CNTN1: variants seen among roughly 807,000 people sequenced by gnomAD.
The protein encoded by CNTN1 is contactin 1.
CNTN1 carries 38 observed loss-of-function variants against 126.4 expected under a neutral mutation model. That is an observed-to-expected ratio of 0.30 (90% CI 0.23 to 0.39). CNTN1 has a LOEUF of 0.39. CNTN1 is among the 10% of genes least tolerant of loss of function. The pLI is 1.00. For synonymous variants in CNTN1, 413 were observed against 422.6 expected (o/e 0.98, Z 0.28); for missense variants, 1,009 against 1,248.4 (o/e 0.81, Z 2.89).
intron 1 of CNTN1, among the ~76,000 whole-genome samples, chr12:40,902,553 A>ATT (rs754443516): frequency 6.6e-6 from 1 of 152,092 alleles, no homozygotes; most frequent in Non-Finnish European, 1.5e-5. Context: ...ATAAAGGCAC[A>ATT]TTTTTTTGTA....
chr12:40,898,877 C>G (rs1944506091), intron 1 of CNTN1, among the ~76,000 whole-genome samples: 1 of 152,198 alleles, frequency 6.6e-6, no homozygotes, highest in African/African-American at 2.4e-5. Context: ...TATTCAGATA[C>G]TGTGCAGCAT....
intron 15 of CNTN1, among the ~76,000 whole-genome samples, chr12:40,975,240 A>T (rs1592350171): frequency 6.9e-6 from 1 of 144,084 alleles, no homozygotes; most frequent in Admixed American, 7.0e-5. Flanking sequence ...GTGGACTCTT[A>T]AATGTATGTG....
At chr12:40,976,760 C>T (rs910034677) in intron 15 of CNTN1, among the ~76,000 whole-genome samples, 1 of 152,040 alleles carries the variant, frequency 6.6e-6, no homozygotes, top group African/African-American at 2.4e-5. Flanking sequence ...GCTTGAAAAC[C>T]TTCCTGCTGA....
At chr12:40,881,046 G>T (rs958750201) in intron 1 of CNTN1, among the ~76,000 whole-genome samples, 1 of 151,960 alleles carries the variant, frequency 6.6e-6, no homozygotes, top group African/African-American at 2.4e-5. Context: ...CCTGTGAATA[G>T]AAGAATTCAG....
At chr12:40,870,397 A>G (rs986178902) in intron 1 of CNTN1, among the ~76,000 whole-genome samples, 1 of 152,144 alleles carries the variant, frequency 6.6e-6, no homozygotes, top group Admixed American at 6.6e-5. Flanking sequence ...TCAATTCTCA[A>G]GGCAAAAATA....
At chr12:40,864,313 C>T (rs759028880) in intron 1 of CNTN1, among the ~76,000 whole-genome samples, 3 of 151,956 alleles carry the variant, frequency 2.0e-5, no homozygotes, top group African/African-American at 2.4e-5. Context: ...AACCACCATG[C>T]CCAGACCTAT....
At chr12:41,042,465 G>GT (rs1286172810) in intron 23 of CNTN1, among the ~76,000 whole-genome samples, 1 of 151,912 alleles carries the variant, frequency 6.6e-6, no homozygotes, top group African/African-American at 2.4e-5. Flanking sequence ...CAATTCCTGG[G>GT]TATCCTTGTT....
intron 17 of CNTN1, among the ~76,000 whole-genome samples, chr12:41,010,297 C>T (rs974232661): frequency 1.3e-5 from 2 of 152,196 alleles, no homozygotes. Context: ...GGCAGTCCGA[C>T]TTCCAATGGT....
At chr12:40,869,282 G>GT (rs1565860117) in intron 1 of CNTN1, among the ~76,000 whole-genome samples, 1 of 148,928 alleles carries the variant, frequency 6.7e-6, no homozygotes, top group Non-Finnish European at 1.5e-5. Context: ...CTCTTTTTTT[G>GT]TTTTTTGAGA....
At chr12:40,798,066 T>C (rs1033392850) in intron 1 of CNTN1, among the ~76,000 whole-genome samples, 3 of 152,012 alleles carry the variant, frequency 2.0e-5, no homozygotes, top group African/African-American at 4.8e-5. Context: ...GGATGCATTA[T>C]ACATGATAGA....
intron 1 of CNTN1, among the ~76,000 whole-genome samples, chr12:40,785,922 A>C (rs915222659): frequency 1.3e-5 from 2 of 152,188 alleles, no homozygotes; most frequent in East Asian, 3.9e-4. Context: ...TGAGCCAATC[A>C]CCTTGACCTG....
intron 1 of CNTN1, among the ~76,000 whole-genome samples, chr12:40,880,624 C>T (rs550637138): frequency 6.6e-5 from 10 of 152,022 alleles, no homozygotes; most frequent in Non-Finnish European, 1.2e-4. Flanking sequence ...AAAGATTGTG[C>T]GTCACTTAGT....
At position 40,983,371 on chromosome 12, in the gene CNTN1, T is replaced by G. The variant is rs1292097246; in HGVS notation, c.1963+2304T>G. Among the ~76,000 whole-genome samples the G allele has an allele frequency of 5.9e-5, 9 of 152,102 alleles. No homozygotes were observed. In the East Asian group the frequency reaches 1.7e-3, roughly 29 times the overall value. ...ATTGTATTTTTGCTTTCTAAATATT[T>G]TACTATTTTTGTTCCTCTTTTCCTT... On this transcript the variant is annotated intron_variant, in intron 16 of 23. Transcript: ENST00000551295.
intron 1 of CNTN1, among the ~76,000 whole-genome samples, chr12:40,787,808 G>A (rs1438916825): frequency 6.6e-6 from 1 of 152,104 alleles, no homozygotes; most frequent in African/African-American, 2.4e-5. Flanking sequence ...ATTTCATTGT[G>A]TGATTCATCT....
chr12:40,749,644 T>C (rs2136395388), intron 1 of CNTN1, among the ~76,000 whole-genome samples: 1 of 105,002 alleles, frequency 9.5e-6, no homozygotes, highest in East Asian at 2.5e-4. Context: ...ATTTTTTTTT[T>C]CATTTAATCC....
intron 18 of CNTN1, among the ~76,000 whole-genome samples, chr12:41,015,671 T>C (rs1038521019): frequency 2.6e-5 from 4 of 152,088 alleles, no homozygotes; most frequent in Non-Finnish European, 5.9e-5. Flanking sequence ...AATAGTGTTA[T>C]ATTTACTTCA....
At chr12:40,991,392 C>CTT (rs918134143) in intron 16 of CNTN1, among the ~76,000 whole-genome samples, 2 of 145,198 alleles carry the variant, frequency 1.4e-5, no homozygotes, top group East Asian at 2.0e-4. Context: ...TCTGCCAAGC[C>CTT]TTTTTTTTTT....
chr12:40,811,808 TTTG>T (rs1362626696), intron 1 of CNTN1, among the ~76,000 whole-genome samples: 1 of 117,082 alleles, frequency 8.5e-6, no homozygotes, highest in Admixed American at 1.1e-4. Context: ...TCACTGAAGG[TTTG>T]TTAACTTTAT....
intron 4 of CNTN1, among the ~76,000 whole-genome samples, chr12:40,920,327 A>T (rs988226673): frequency 7.1e-6 from 1 of 140,524 alleles, no homozygotes; most frequent in African/African-American, 2.5e-5. Context: ...CAGGCACAAT[A>T]AAAAGCAAAG....
Sources: allele counts gnomAD v4.1 joint callset (sites outside exome capture counted in the v4.1 genomes callset), GRCh38; gene constraint gnomAD v4.1.1; transcripts MANE v1.5; gene names NCBI Gene and HGNC (gene_info 2026-07-23, HGNC 2026-07-21).